CDH13: variants seen among roughly 807,000 people sequenced by gnomAD.
CDH13 encodes the protein cadherin 13.
Under a neutral mutation model 63.8 loss-of-function variants are expected in CDH13, and 24 were observed. That is an observed-to-expected ratio of 0.38 (90% CI 0.27 to 0.53). The LOEUF (loss-of-function observed/expected upper bound fraction) is 0.53. Ranked by LOEUF, CDH13 falls within the 20% of genes least tolerant of loss-of-function variation. The probability of loss-of-function intolerance (pLI) is 0.85; values close to 1 mark genes in which losing one functional copy is unlikely to be tolerated. For missense variants in CDH13, 1,049 were observed against 903.1 expected, an observed-to-expected ratio of 1.16 and a Z score of -2.07; for synonymous variants, 503 against 355.3, an observed-to-expected ratio of 1.42 and a Z score of -4.67.
chr16:83,559,297 C>T (rs868537480), intron 7 of CDH13, among the ~76,000 whole-genome samples: 3 of 152,146 alleles, frequency 2.0e-5, no homozygotes, highest in Non-Finnish European at 2.9e-5. Context: ...GAAGGCCAGA[C>T]ATGGTGGTTC....
chr16:83,777,824 A>G (rs1915228151), intron 11 of CDH13, among the ~76,000 whole-genome samples: 1 of 152,214 alleles, frequency 6.6e-6, no homozygotes, highest in South Asian at 2.1e-4. Context: ...AATATAGTAC[A>G]AGAGAAAATA....
intron 7 of CDH13, among the ~76,000 whole-genome samples, chr16:83,591,910 T>TA (rs1906793393): frequency 6.6e-6 from 1 of 152,232 alleles, no homozygotes; most frequent in Admixed American, 6.5e-5. Context: ...GTTTAGGGAT[T>TA]AAAGGTCTCC....
At chr16:83,154,708 A>G (rs2037135044) in intron 4 of CDH13, among the ~76,000 whole-genome samples, 1 of 152,240 alleles carries the variant, frequency 6.6e-6, no homozygotes, top group Non-Finnish European at 1.5e-5. Context: ...GGATGAAAAA[A>G]TTAATTAGAC....
intron 10 of CDH13, among the ~76,000 whole-genome samples, chr16:83,686,187 A>T (rs1217766029): frequency 6.6e-6 from 1 of 152,214 alleles, no homozygotes; most frequent in Non-Finnish European, 1.5e-5. Context: ...CCTACTGCTG[A>T]TGTTGGCTTA....
At chr16:83,113,320 C>T (rs9931092) in intron 3 of CDH13, among the ~76,000 whole-genome samples, 10,794 of 152,290 alleles carry the variant, frequency 0.071, 674 homozygotes, top group African/African-American at 0.17. Flanking sequence ...TACTCATTTA[C>T]TTATTAGACA....
intron 3 of CDH13, among the ~76,000 whole-genome samples, chr16:83,121,211 A>T (rs1294005291): frequency 6.6e-6 from 1 of 152,186 alleles, no homozygotes; most frequent in African/African-American, 2.4e-5. Context: ...CCTAGAGACT[A>T]AAGTGTCTCT....
chr16:83,758,784 T>A (rs1440933250), intron 11 of CDH13, among the ~76,000 whole-genome samples: 1 of 152,196 alleles, frequency 6.6e-6, no homozygotes, highest in Non-Finnish European at 1.5e-5. Flanking sequence ...TGCAATATCA[T>A]CAGAAACACC....
intron 1 of CDH13, among the ~76,000 whole-genome samples, chr16:82,709,391 A>C (rs2151003419): frequency 6.6e-6 from 1 of 152,328 alleles, no homozygotes; most frequent in South Asian, 2.1e-4. Context: ...ATTTAAAGCA[A>C]CAGATATGAA....
chr16:83,487,454 G>T (rs2073916070), intron 7 of CDH13, among the ~76,000 whole-genome samples: 1 of 152,114 alleles, frequency 6.6e-6, no homozygotes, highest in African/African-American at 2.4e-5. Context: ...CTTTAGATGG[G>T]ACATGTGCTC....
At chr16:83,692,372 C>T (rs1015378192) in intron 10 of CDH13, among the ~76,000 whole-genome samples, 1 of 152,174 alleles carries the variant, frequency 6.6e-6, no homozygotes, top group Middle Eastern at 3.2e-3. Flanking sequence ...ATGCATTCTT[C>T]CCGGCTTGCT....
intron 2 of CDH13, chr16:82,953,099 T>C (rs776202687): frequency 2.0e-5 from 3 of 152,234 alleles, no homozygotes; most frequent in Non-Finnish European, 4.4e-5. Context: ...CTCCTTCTTT[T>C]TCCTCATAGA....
chr16:83,073,354 T>TGTGTGTGTGAGAGAGA (rs1311548254), intron 3 of CDH13, among the ~76,000 whole-genome samples: 5 of 139,864 alleles, frequency 3.6e-5, no homozygotes, highest in Admixed American at 2.1e-4. Flanking sequence ...TGTGTGTGTG[T>TGTGTGTGTGAGAGAGA]GAGAGAGAGA....
At chr16:83,302,156 C>G (rs944075183) in intron 5 of CDH13, among the ~76,000 whole-genome samples, 2 of 152,146 alleles carry the variant, frequency 1.3e-5, no homozygotes. Flanking sequence ...AGTAAGCTAA[C>G]AAAGTTGACA....
At chr16:82,870,712 C>T (rs539683480) in intron 2 of CDH13, among the ~76,000 whole-genome samples, 35 of 152,158 alleles carry the variant, frequency 2.3e-4, no homozygotes, top group Non-Finnish European at 3.5e-4. Flanking sequence ...TTGATTATTA[C>T]ACATAGTATA....
intron 1 of CDH13, among the ~76,000 whole-genome samples, chr16:82,707,392 G>GA (rs1291792828): frequency 6.6e-6 from 1 of 152,178 alleles, no homozygotes; most frequent in Non-Finnish European, 1.5e-5. Context: ...TGGCCAATGA[G>GA]AATGAGCAGG....
At position 83,048,968 on chromosome 16, in the gene CDH13, C is replaced by T. The variant is rs559839006; in HGVS notation, c.366+16750C>T. Among the ~76,000 whole-genome samples the T allele has an allele frequency of 2.0e-4, 30 of 152,286 alleles. No individual in the cohort carries two copies. In the South Asian group the frequency reaches 5.8e-3, roughly 29 times the overall value. On this transcript the variant is annotated intron_variant, in intron 3 of 13. Transcript: ENST00000567109. ...TACTCCGAAATGGAGCTCCTGTCCT[C>T]AACATTTTGGTGAAAATTCTCTCTT...
intron 10 of CDH13, among the ~76,000 whole-genome samples, chr16:83,734,109 C>T (rs947470869): frequency 1.3e-5 from 2 of 152,098 alleles, no homozygotes; most frequent in African/African-American, 2.4e-5. Context: ...AAACAGGGAC[C>T]ACCAACAGCC....
intron 2 of CDH13, among the ~76,000 whole-genome samples, chr16:83,008,670 G>A (rs1032674754): frequency 1.3e-5 from 2 of 152,144 alleles, no homozygotes; most frequent in Non-Finnish European, 2.9e-5. Context: ...GAGGGATTGG[G>A]AAATCAGTGA....
In CDH13 at chr16:83,779,405, T is replaced by TAAAAAAAAAAAAAAAAAA. The variant is rs1174439191; in HGVS notation, c.1682-563_1682-562insAAAAAAAAAAAAAAAAAA. On this transcript the variant is annotated intron_variant, in intron 11 of 13. Coordinates refer to ENST00000567109, the MANE Select transcript of CDH13 (RefSeq NM_001257.5). ...CCGGGCGACAGCGCGAGACTCCATC[T>TAAAAAAAAAAAAAAAAAA]CAAAAAAAAAAAAAAAAAAAAAAAA... Among the ~76,000 whole-genome samples, 3 of 67,786 alleles carry TAAAAAAAAAAAAAAAAAA rather than the reference T, an allele frequency of 4.4e-5. 1 individual carries two copies. 44.5% of individuals were successfully genotyped at this position (67,786 alleles called of 152,430 possible).
Sources: allele counts gnomAD v4.1 joint callset (sites outside exome capture counted in the v4.1 genomes callset), GRCh38; gene constraint gnomAD v4.1.1; transcripts MANE v1.5; gene names NCBI Gene and HGNC (gene_info 2026-07-23, HGNC 2026-07-21).